The following SS18L1 variants were observed in gnomAD, a reference collection of about 807,000 sequenced individuals.
SS18L1 encodes calcium-responsive transactivator.
A neutral mutation model predicts 70.3 loss-of-function variants in SS18L1; 32 were observed. The ratio of observed to expected loss-of-function variants is 0.46; its 90% CI spans 0.34 to 0.61. SS18L1 has a LOEUF of 0.61. SS18L1 is among the 20% of genes least tolerant of loss of function. The pLI is 0.01. For missense variants in SS18L1, 430 were observed against 542.1 expected, an observed-to-expected ratio of 0.79 and a Z score of 2.05; for synonymous variants, 237 against 229.7, an observed-to-expected ratio of 1.03 and a Z score of -0.29.
At chr20:62,154,038 C>T (rs534344586) in intron 1 of SS18L1, among the ~76,000 whole-genome samples, 25 of 152,328 alleles carry the variant, frequency 1.6e-4, no homozygotes, top group African/African-American at 5.8e-4. Context: ...AGACTTGGTG[C>T]CCCTTTACTC....
intron 6 of SS18L1, 112 bp downstream of exon 6, chr20:62,163,734 G>T (rs946406150): frequency 7.3e-7 from 1 of 1,371,500 alleles, no homozygotes; most frequent in African/African-American, 1.5e-5. Flanking sequence ...CGGGGAGCCT[G>T]GGGGAGTGAG....
chr20:62,147,992 A>G (rs142861269), intron 1 of SS18L1, among the ~76,000 whole-genome samples: 13 of 152,324 alleles, frequency 8.5e-5, no homozygotes, highest in African/African-American at 3.1e-4. Flanking sequence ...TAATTTGGCT[A>G]GGAGTGTTTG....
intron 1 of SS18L1, 68 bp downstream of exon 1, chr20:62,143,957 CG>C: frequency 1.1e-6 from 1 of 936,420 alleles, no homozygotes; most frequent in African/African-American, 1.8e-5. Context: ...GGACGGGGCG[CG>C]GGCAGCTGGC....
intron 1 of SS18L1, among the ~76,000 whole-genome samples, chr20:62,144,142 C>T (rs2056976351): frequency 6.6e-6 from 1 of 150,904 alleles, no homozygotes; most frequent in Non-Finnish European, 1.5e-5. Flanking sequence ...TCCCTCGGGC[C>T]GGGGCACTGG....
chr20:62,167,815 CT>C lies in SS18L1; in HGVS notation c.916+2316del, dbSNP rs371641183. On this transcript the variant is annotated intron_variant, in intron 8 of 10. Coordinates refer to ENST00000331758, the MANE Select transcript of SS18L1 (RefSeq NM_198935.3). ...AGCCTTTTAGTGTCTGATGTAGCTA[CT>C]TTTTTTTTTTTTTTAAAGAGACAGG... is the stretch of plus-strand genomic sequence containing the variant. Among the ~76,000 whole-genome samples the C allele has an allele frequency of 2.5e-3, 366 of 144,386 alleles. 1 individual carries two copies. Among genetic ancestry groups the C allele is most frequent in the Admixed American group, 2.7e-3 (39 of 14,302 alleles). The allele number at this position is 144,386 out of a possible 152,430, so 94.7% of individuals were successfully genotyped here. A position where few individuals can be genotyped will look rare whatever the true frequency, so the allele number is the denominator to read the frequency against.
chr20:62,153,140 G>A (rs962649373), intron 1 of SS18L1, among the ~76,000 whole-genome samples: 1 of 152,220 alleles, frequency 6.6e-6, no homozygotes, highest in African/African-American at 2.4e-5. Context: ...GGAAGGAGAA[G>A]CGCAAGCAGG....
Position 62,150,572 on chromosome 20 carries a change from C to T in SS18L1, c.69+6683C>T, listed in dbSNP as rs374002519. On this transcript the variant is annotated intron_variant, in intron 1 of 10. Transcript: ENST00000331758. ...CAATTTCAATGTCTGTCCAAGCAGA[C>T]AGAGTACTACGTTGTGTCCATGTTG... Among the ~76,000 whole-genome samples the T allele has an allele frequency of 4.3e-5, 6 of 140,536 alleles. No homozygotes were observed. The East Asian group carries it at 1.1e-3, about 27-fold the overall frequency. The allele number at this position is 140,536 out of a possible 152,430, so 92.2% of individuals were successfully genotyped here. A position where few individuals can be genotyped will look rare whatever the true frequency, so the allele number is the denominator to read the frequency against.
At chr20:62,175,056 G>A in intron 10 of SS18L1, 1 of 737,604 alleles carries the variant, frequency 1.4e-6, no homozygotes, top group Non-Finnish European at 1.7e-6. Flanking sequence ...GGACAGAGCG[G>A]GGGGCCCCAA....
intron 7 of SS18L1, among the ~76,000 whole-genome samples, chr20:62,165,035 C>A (rs1277016712): frequency 1.3e-5 from 2 of 152,228 alleles, no homozygotes; most frequent in African/African-American, 4.8e-5. Context: ...GGGCAAGCCA[C>A]CCTGGCCACG....
At chr20:62,149,658 G>A (rs1440027356) in intron 1 of SS18L1, among the ~76,000 whole-genome samples, 2 of 152,230 alleles carry the variant, frequency 1.3e-5, no homozygotes, top group Non-Finnish European at 2.9e-5. Flanking sequence ...GGACAGGGCT[G>A]TGGCCTCCCT....
intron 10 of SS18L1, among the ~76,000 whole-genome samples, chr20:62,178,289 G>T (rs527749563): frequency 6.6e-5 from 10 of 151,086 alleles, no homozygotes; most frequent in Non-Finnish European, 1.5e-4. Flanking sequence ...GGGATTACAG[G>T]CACGTGCCAC....
intron 1 of SS18L1, among the ~76,000 whole-genome samples, chr20:62,148,899 G>T (rs1161692076): frequency 2.0e-5 from 3 of 152,240 alleles, no homozygotes; most frequent in Non-Finnish European, 2.9e-5. Flanking sequence ...TCCAAGGCTG[G>T]TGGGTCTCCA....
At chr20:62,166,934 T>A (rs187717071) in intron 8 of SS18L1, among the ~76,000 whole-genome samples, 7,235 of 141,158 alleles carry the variant, frequency 0.051, 557 homozygotes, top group African/African-American at 0.18. Flanking sequence ...TCAAAAAAAA[T>A]AAAAAGAAAT....
intron 6 of SS18L1, among the ~76,000 whole-genome samples, chr20:62,163,882 G>A (rs551904115): frequency 4.6e-5 from 7 of 152,102 alleles, no homozygotes; most frequent in East Asian, 1.9e-4. Flanking sequence ...GTCACAGGCC[G>A]GGCTCATGCC....
At chr20:62,157,411 G>A (rs2057243462) in intron 1 of SS18L1, among the ~76,000 whole-genome samples, 1 of 152,216 alleles carries the variant, frequency 6.6e-6, no homozygotes, top group South Asian at 2.1e-4. Context: ...GCTCAGGTGT[G>A]GCCAGGCACG....
chr20:62,148,423 G>A (rs2057071307), intron 1 of SS18L1, among the ~76,000 whole-genome samples: 1 of 149,502 alleles, frequency 6.7e-6, no homozygotes. Context: ...TGCTGTCTTA[G>A]GTCAGGTGAG....
At chr20:62,164,491 C>T (rs947525433) in intron 7 of SS18L1, among the ~76,000 whole-genome samples, 3 of 152,234 alleles carry the variant, frequency 2.0e-5, no homozygotes, top group Admixed American at 1.3e-4. Flanking sequence ...CTGCACTGGC[C>T]TCCACGCGGC....
chr20:62,162,679 G>A (rs919991432), intron 4 of SS18L1, 73 bp from the exon 5 acceptor site: 2 of 1,479,866 alleles, frequency 1.4e-6, no homozygotes, highest in Admixed American at 4.4e-5. Flanking sequence ...AAGGGAAATT[G>A]GGGTGTCTTC....
intron 8 of SS18L1, among the ~76,000 whole-genome samples, chr20:62,170,568 G>A (rs1015569017): frequency 2.0e-5 from 3 of 152,230 alleles, no homozygotes. Flanking sequence ...ACATCTGCCC[G>A]CCCCGTTGCT....
Sources: gnomAD v4.1 joint callset for allele counts (sites outside exome capture counted in the v4.1 genomes callset) on GRCh38, gnomAD v4.1.1 for gene constraint, MANE v1.5 for transcripts, NCBI Gene and HGNC (gene_info 2026-07-23, HGNC 2026-07-21) for gene names.